DAB1: variants seen among roughly 807,000 people sequenced by gnomAD.
DAB1 encodes the protein disabled homolog 1.
In DAB1, 15 loss-of-function variants were observed where a neutral mutation model predicts 64.6. The observed-to-expected ratio is 0.23, with a 90% CI of 0.16 to 0.36. The LOEUF (loss-of-function observed/expected upper bound fraction) is 0.36. Among genes scored for constraint, DAB1 ranks in the 10% least tolerant of loss-of-function variants. The pLI is 1.00. For missense variants in DAB1, 596 were observed against 706.7 expected (o/e 0.84, Z 1.78); for synonymous variants, 235 against 251.9 (o/e 0.93, Z 0.64).
intron 4 of DAB1, among the ~76,000 whole-genome samples, chr1:58,193,764 G>C (rs983206874): frequency 6.6e-6 from 1 of 152,058 alleles, no homozygotes; most frequent in African/African-American, 2.4e-5. Flanking sequence ...GCTGAGGCAG[G>C]AGAATCACTT....
At chr1:58,266,610 C>A (rs1171757982) in intron 4 of DAB1, among the ~76,000 whole-genome samples, 1 of 152,146 alleles carries the variant, frequency 6.6e-6, no homozygotes, top group Non-Finnish European at 1.5e-5. Flanking sequence ...TTAGGGCAAC[C>A]CTTTATCCCA....
At chr1:58,049,226 G>A (rs1366456656) in intron 5 of DAB1, 2 of 766,126 alleles carry the variant, frequency 2.6e-6, no homozygotes, top group Admixed American at 1.7e-5. Flanking sequence ...TGGTGTCAAA[G>A]CTCAGCCCTC....
intron 2 of DAB1, among the ~76,000 whole-genome samples, chr1:57,252,298 C>A (rs1471404348): frequency 6.6e-6 from 1 of 152,162 alleles, no homozygotes; most frequent in African/African-American, 2.4e-5. Context: ...TAAACCCAGT[C>A]CCTATAATCT....
intron 7 of DAB1, among the ~76,000 whole-genome samples, chr1:57,446,183 A>G (rs1023019358): frequency 2.0e-5 from 3 of 152,166 alleles, no homozygotes; most frequent in South Asian, 2.1e-4. Context: ...TTTTGTCATT[A>G]TGTCCTTAAT....
At chr1:57,795,855 C>T (rs927803972) in intron 6 of DAB1, among the ~76,000 whole-genome samples, 9 of 150,846 alleles carry the variant, frequency 6.0e-5, no homozygotes, top group African/African-American at 2.2e-4. Context: ...AAATAATTAG[C>T]CCTCAGTTTT....
intron 2 of DAB1, among the ~76,000 whole-genome samples, chr1:57,218,110 G>C (rs369776564): frequency 6.6e-6 from 1 of 152,090 alleles, no homozygotes; most frequent in Non-Finnish European, 1.5e-5. Flanking sequence ...TTGAAGAGCC[G>C]TCTGAGTTGT....
chr1:57,587,564 A>G (rs1359596822), intron 7 of DAB1, among the ~76,000 whole-genome samples: 1 of 152,136 alleles, frequency 6.6e-6, no homozygotes, highest in African/African-American at 2.4e-5. Context: ...CACCCCCTCA[A>G]TTGTACCATG....
chr1:58,098,013 C>T (rs1651091859), intron 5 of DAB1, among the ~76,000 whole-genome samples: 1 of 152,096 alleles, frequency 6.6e-6, no homozygotes, highest in Admixed American at 6.5e-5. Flanking sequence ...GAAAATGAAA[C>T]ATTTATTGAC....
At chr1:58,525,031 G>A (rs1046646638) in intron 2 of DAB1, among the ~76,000 whole-genome samples, 2 of 152,170 alleles carry the variant, frequency 1.3e-5, no homozygotes, top group African/African-American at 2.4e-5. Context: ...ATTCTATGCA[G>A]TTATGATTTA....
At chr1:57,590,931 T>G (rs897064400) in intron 7 of DAB1, among the ~76,000 whole-genome samples, 8 of 152,214 alleles carry the variant, frequency 5.3e-5, no homozygotes, top group South Asian at 2.1e-4. Context: ...AATTTTCCAT[T>G]TATGCAAAAT....
chr1:57,121,587 G>A (rs1044071310), intron 4 of DAB1, among the ~76,000 whole-genome samples: 1 of 151,988 alleles, frequency 6.6e-6, no homozygotes, highest in African/African-American at 2.4e-5. Flanking sequence ...AAGAAAACCC[G>A]GCACATTTTA....
chr1:57,158,479 G>T (rs141196348), intron 2 of DAB1, among the ~76,000 whole-genome samples: 2 of 152,110 alleles, frequency 1.3e-5, no homozygotes, highest in Admixed American at 6.6e-5. Context: ...AGAAAATTTC[G>T]AAAGGTTGTT....
At chr1:58,344,774 A>G (rs1643976402) in intron 3 of DAB1, among the ~76,000 whole-genome samples, 1 of 152,244 alleles carries the variant, frequency 6.6e-6, no homozygotes, top group Admixed American at 6.5e-5. Context: ...TCTCATTTGT[A>G]ACAGGGGAAT....
chr1:57,300,803 A>G (rs1234769525), intron 1 of DAB1, among the ~76,000 whole-genome samples: 1 of 152,236 alleles, frequency 6.6e-6, no homozygotes, highest in East Asian at 1.9e-4. Flanking sequence ...TATTCATTTA[A>G]TATGCAGATT....
chr1:57,931,360 G>A (rs887132431), intron 5 of DAB1, among the ~76,000 whole-genome samples: 1 of 152,224 alleles, frequency 6.6e-6, no homozygotes, highest in South Asian at 2.1e-4. Context: ...TGGGGTAATG[G>A]TGACTTCATA....
intron 5 of DAB1, among the ~76,000 whole-genome samples, chr1:57,937,288 G>C (rs1645040434): frequency 6.6e-6 from 1 of 152,120 alleles, no homozygotes; most frequent in Admixed American, 6.6e-5. Flanking sequence ...GTGAAGAGTG[G>C]TGGGAGCAGC....
At chr1:57,876,707 T>C (rs1644053015) in intron 1 of DAB1, 1 of 152,154 alleles carries the variant, frequency 6.6e-6, no homozygotes, top group African/African-American at 2.4e-5. Context: ...ACATTTAGTT[T>C]AGGATTTTTC....
intron 2 of DAB1, among the ~76,000 whole-genome samples, chr1:57,172,926 C>T (rs1360909591): frequency 2.0e-5 from 3 of 152,186 alleles, no homozygotes; most frequent in Non-Finnish European, 4.4e-5. Flanking sequence ...TGTATTTAAT[C>T]ACCCAGTCCA....
chr1:58,185,063 AT>A (rs1340125613), intron 4 of DAB1, among the ~76,000 whole-genome samples: 1 of 152,210 alleles, frequency 6.6e-6, no homozygotes, highest in Non-Finnish European at 1.5e-5. Flanking sequence ...CTTATCCCAC[AT>A]TCTGCAAAAC....
Sources: allele counts gnomAD v4.1 joint callset (sites outside exome capture counted in the v4.1 genomes callset), GRCh38; gene constraint gnomAD v4.1.1; transcripts MANE v1.5; gene names NCBI Gene and HGNC (gene_info 2026-07-23, HGNC 2026-07-21).